The following CLYBL variants were observed in gnomAD, a reference collection of about 807,000 sequenced individuals.
CLYBL encodes the protein citramalyl-CoA lyase, mitochondrial.
Under a neutral mutation model 38.9 loss-of-function variants are expected in CLYBL, and 31 were observed. That is an observed-to-expected ratio of 0.80 (90% CI 0.60 to 1.08). CLYBL has a LOEUF of 1.08. Ranked by LOEUF, CLYBL falls within the 50% of genes least tolerant of loss-of-function variation. The pLI is 0.00. For synonymous variants in CLYBL, 171 were observed against 158.6 expected, an observed-to-expected ratio of 1.08 and a Z score of -0.59; for missense variants, 434 against 411.6, an observed-to-expected ratio of 1.05 and a Z score of -0.47.
At chr13:99,789,721 T>G (rs1456532839) in intron 2 of CLYBL, among the ~76,000 whole-genome samples, 1 of 152,058 alleles carries the variant, frequency 6.6e-6, no homozygotes, top group Non-Finnish European at 1.5e-5. Flanking sequence ...GGTCCGCTTG[T>G]TGCAGAGCTG....
chr13:99,716,660 A>T (rs2048320144), intron 1 of CLYBL, among the ~76,000 whole-genome samples: 1 of 151,430 alleles, frequency 6.6e-6, no homozygotes, highest in Non-Finnish European at 1.5e-5. Context: ...CTGGGATTAC[A>T]GGCGTGAGCC....
chr13:99,895,087 A>T (rs1345845970), downstream of CLYBL: 2 of 152,212 alleles, frequency 1.3e-5, no homozygotes, highest in Non-Finnish European at 2.9e-5. Flanking sequence ...CGCTGGGCAG[A>T]TAGAACAAAC....
In CLYBL at chr13:99,886,294, T is replaced by A. The variant is rs546541769; in HGVS notation, c.928-5024T>A. ...TAGGACTATGGAGAAAAAAGTCAAG[T>A]ACTAAGTACCAGAAATGCAAAATAT... On this transcript the variant is annotated intron_variant, in intron 7 of 8. Coordinates refer to ENST00000339105, the MANE Select transcript of CLYBL (RefSeq NM_206808.5). 3.9e-5 allele frequency among the ~76,000 whole-genome samples: 6 copies of A among 152,332 alleles called. No individual in the cohort carries two copies. The South Asian group carries it at 1.2e-3, about 32-fold the overall frequency.
At chr13:99,828,408 G>A (rs1040996) in intron 2 of CLYBL, among the ~76,000 whole-genome samples, 1 of 152,224 alleles carries the variant, frequency 6.6e-6, no homozygotes, top group South Asian at 2.1e-4. Context: ...ATTTATCTCA[G>A]AGATGAAGGT....
chr13:99,633,339 A>C (rs9300562), intron 1 of CLYBL, among the ~76,000 whole-genome samples: 2,038 of 151,722 alleles, frequency 0.013, 47 homozygotes, highest in African/African-American at 0.046. Context: ...CAGGAGTTTG[A>C]TACCAGCCTG....
chr13:99,884,576 T>C (rs2052297122), intron 7 of CLYBL, among the ~76,000 whole-genome samples: 1 of 152,228 alleles, frequency 6.6e-6, no homozygotes. Context: ...GTAATAGTCA[T>C]TTCTATCACT....
chr13:99,608,783 G>A (rs1308050035), intron 1 of CLYBL, among the ~76,000 whole-genome samples: 1 of 145,872 alleles, frequency 6.9e-6, no homozygotes, highest in Non-Finnish European at 1.5e-5. Context: ...CTGTCTTTTT[G>A]CCTCCATTAT....
chr13:99,851,902 G>A (rs1418567169), intron 2 of CLYBL, among the ~76,000 whole-genome samples: 1 of 152,126 alleles, frequency 6.6e-6, no homozygotes, highest in African/African-American at 2.4e-5. Flanking sequence ...GAATGTCCAC[G>A]GCAGCATTTC....
chr13:99,640,820 T>G (rs1181265704), intron 1 of CLYBL, among the ~76,000 whole-genome samples: 1 of 152,228 alleles, frequency 6.6e-6, no homozygotes, highest in Non-Finnish European at 1.5e-5. Context: ...TCAGGAAATT[T>G]GTATGCATGT....
At chr13:99,859,369 T>G (rs1032899386) in intron 3 of CLYBL, among the ~76,000 whole-genome samples, 1 of 152,068 alleles carries the variant, frequency 6.6e-6, no homozygotes, top group Non-Finnish European at 1.5e-5. Flanking sequence ...TCTCATCCCT[T>G]CCTCCACCCT....
At chr13:99,718,374 GAAAA>G (rs80328734) in intron 1 of CLYBL, among the ~76,000 whole-genome samples, 14 of 123,028 alleles carry the variant, frequency 1.1e-4, no homozygotes, top group Non-Finnish European at 5.4e-5. Flanking sequence ...TTAAAAAAAA[GAAAA>G]AAAAAAAAAA....
In CLYBL at chr13:99,635,112, C is replaced by T. The variant is rs1454885938; in HGVS notation, c.62+28355C>T. 2.0e-5 allele frequency among the ~76,000 whole-genome samples: 3 copies of T among 152,068 alleles called. No individual in the cohort carries two copies. The East Asian group carries it at 5.8e-4, about 29-fold the overall frequency. ...GTTCCCATCTCGGGTGATCAGGACA[C>T]CATCGTGTGCTCTGTCACCCAAGCC... is the stretch of plus-strand genomic sequence containing the variant. On this transcript the variant is annotated intron_variant, in intron 1 of 8. Coordinates refer to ENST00000339105, the MANE Select transcript of CLYBL (RefSeq NM_206808.5).
At chr13:99,766,109 T>G (rs1169457841) in intron 1 of CLYBL, among the ~76,000 whole-genome samples, 1 of 152,166 alleles carries the variant, frequency 6.6e-6, no homozygotes, top group East Asian at 1.9e-4. Flanking sequence ...TGCTTCAGCC[T>G]CCCAAAGTGC....
chr13:99,637,105 C>T (rs1026116659), intron 1 of CLYBL, among the ~76,000 whole-genome samples: 2 of 152,118 alleles, frequency 1.3e-5, no homozygotes, highest in Admixed American at 6.5e-5. Context: ...GTCTTGAACC[C>T]CTGGTCTCAA....
intron 1 of CLYBL, among the ~76,000 whole-genome samples, chr13:99,743,820 A>G (rs1305308125): frequency 6.6e-6 from 1 of 152,178 alleles, no homozygotes; most frequent in African/African-American, 2.4e-5. Context: ...TGTAATTACA[A>G]TATTGGTATT....
intron 1 of CLYBL, among the ~76,000 whole-genome samples, chr13:99,683,659 A>G (rs905896881): frequency 7.2e-5 from 11 of 151,774 alleles, no homozygotes; most frequent in African/African-American, 2.7e-4. Context: ...ACACGCACAG[A>G]GCTGTTGTCT....
At chr13:99,771,548 G>A (rs1387744684) in intron 1 of CLYBL, among the ~76,000 whole-genome samples, 2 of 152,118 alleles carry the variant, frequency 1.3e-5, no homozygotes, top group Admixed American at 6.6e-5. Flanking sequence ...TGTATCGCTC[G>A]TCCTGATTAT....
At chr13:99,842,455 G>A (rs146299272) in intron 2 of CLYBL, among the ~76,000 whole-genome samples, 36 of 152,250 alleles carry the variant, frequency 2.4e-4, no homozygotes, top group African/African-American at 6.3e-4. Context: ...GCTGCCTCTC[G>A]TTGTCTGTGA....
intron 2 of CLYBL, among the ~76,000 whole-genome samples, chr13:99,793,030 C>T (rs1255794333): frequency 3.8e-5 from 4 of 104,264 alleles, no homozygotes; most frequent in South Asian, 3.0e-4. Flanking sequence ...CATGTGCATA[C>T]ATAACACACA....
Sources: allele counts gnomAD v4.1 joint callset (sites outside exome capture counted in the v4.1 genomes callset), GRCh38; gene constraint gnomAD v4.1.1; transcripts MANE v1.5; gene names NCBI Gene and HGNC (gene_info 2026-07-23, HGNC 2026-07-21).